SCN3A: variants seen among roughly 807,000 people sequenced by gnomAD.
The protein encoded by SCN3A is sodium voltage-gated channel alpha subunit 3.
SCN3A carries 60 observed loss-of-function variants against 187.6 expected under a neutral mutation model. That is an observed-to-expected ratio of 0.32 (90% CI 0.26 to 0.40). The LOEUF is 0.40. Among genes scored for constraint, SCN3A ranks in the 10% least tolerant of loss-of-function variants. SCN3A has a pLI of 1.00. For missense variants in SCN3A, 1,601 were observed against 2,428.2 expected, an observed-to-expected ratio of 0.66 and a Z score of 7.16; for synonymous variants, 788 against 829.2, an observed-to-expected ratio of 0.95 and a Z score of 0.85.
chr2:165,154,384 G>C, intron 11 of SCN3A, 68 bp downstream of exon 11: 1 of 1,526,138 alleles, frequency 6.6e-7, no homozygotes, highest in Non-Finnish European at 9.0e-7. Context: ...ACCCTCTATA[G>C]TATAACACTA....
intron 1 of SCN3A, among the ~76,000 whole-genome samples, chr2:165,202,278 C>G (rs1692372153): frequency 6.6e-6 from 1 of 152,008 alleles, no homozygotes; most frequent in Non-Finnish European, 1.5e-5. Context: ...AACTAAGAGA[C>G]TGTTGCAACT....
At chr2:165,199,362 A>G (rs1478629316) in intron 1 of SCN3A, among the ~76,000 whole-genome samples, 1 of 151,994 alleles carries the variant, frequency 6.6e-6, no homozygotes, top group Non-Finnish European at 1.5e-5. Flanking sequence ...ATAACTCCAG[A>G]TTTCATAAGG....
chr2:165,140,614 G>T lies in SCN3A; in HGVS notation c.2019+37C>A. The T allele has an allele frequency of 1.3e-6, 2 of 1,560,622 alleles. No individual in the cohort carries two copies. Among genetic ancestry groups the T allele is most frequent in the Non-Finnish European group, 1.8e-6 (2 of 1,131,238 alleles). On this transcript the variant is annotated intron_variant, in intron 13 of 27. Transcript: ENST00000283254. This position sits in a 1 kb window ranked among gnomAD's most constrained non-coding sequence, Gnocchi z 4.2. ...CAGGCTTTGATTATTTCAAATTGGT[G>T]AATAATGTCAGTAGCAGCTAGGTCA...
Position 165,140,947 on chromosome 2 carries a change from T to C in SCN3A, c.1723A>G (p.Thr575Ala). 6.2e-7 allele frequency: 1 copy of C among 1,614,006 alleles called. No individual in the cohort carries two copies. Among genetic ancestry groups the C allele is most frequent in the South Asian group, 1.1e-5 (1 of 91,074 alleles). The part of the protein sequence containing the change: ...SLFSPRRNSK[T>A]SIFSFRGRAK... ...CGACCTCTGAAACTGAAAATGCTTG[T>C]TTTGCTATTGCGTCTTGGGGAAAAC... The change falls in exon 13 of 28, where the codon ACA becomes GCA. Residue 575 changes from threonine to alanine, a missense_variant. This residue lies in a region of SCN3A where 376 missense variants were observed against 476.0 expected (regional missense o/e 0.79). Transcript: ENST00000283254. This position sits in a 1 kb window ranked among gnomAD's most constrained non-coding sequence, Gnocchi z 4.2.
intron 18 of SCN3A, 68 bp from the exon 19 acceptor site, chr2:165,115,643 TG>T (rs1320600679): frequency 1.4e-6 from 2 of 1,456,086 alleles, no homozygotes; most frequent in Non-Finnish European, 1.9e-6. Context: ...GGAAATACTG[TG>T]TCATTGTGTG....
rs1322251387 is a variant in SCN3A, at chr2:165,139,513, G to A, written c.2115C>T (p.Ala705=). 4.3e-6 allele frequency: 7 copies of A among 1,613,772 alleles called. No individual in the cohort carries two copies. In the South Asian group the frequency reaches 4.4e-5, roughly 10 times the overall value. The change falls in exon 14 of 28, where the codon GCC becomes GCT. Residue 705 remains alanine, a synonymous_variant. Transcript: ENST00000283254. ...TGGTCAGAATGCTGGCTATGCTCAC[G>A]GCTCTTTGCCTTCCAGAGGAATCCT... ...MLEDSSGRQR[A]VSIASILTNT...
intron 22 of SCN3A, 158 bp from the exon 23 acceptor site, chr2:165,097,682 G>A: frequency 1.1e-6 from 1 of 920,620 alleles, no homozygotes; most frequent in Non-Finnish European, 1.7e-6. Flanking sequence ...CATATTTGAA[G>A]GAAAACAAAC....
At position 165,092,447 on chromosome 2, in the gene SCN3A, G is replaced by A. The variant is rs139406140; in HGVS notation, c.4614C>T (p.Leu1538=). Residue 1538 remains leucine, a synonymous_variant, in exon 27 of 28, where the codon CTC becomes CTT. Transcript: ENST00000283254. The surrounding 1 kb of genome is among the most constrained non-coding windows in gnomAD (Gnocchi z 4.2). ...TTTCCACCATCATGGTGACCATGTT[G>A]AGGCAGATGAGGATCATGATGCTGA... ...FDISIMILIC[L]NMVTMMVETD... is the part of the protein sequence containing the mutation. 25 of 1,613,868 alleles carry A rather than the reference G, an allele frequency of 1.5e-5. No homozygotes were observed. In the African/African-American group the frequency reaches 3.1e-4, roughly 20 times the overall value.
At chr2:165,174,026 A>G (rs893774) in intron 3 of SCN3A, among the ~76,000 whole-genome samples, 152,315 of 152,322 alleles carry the variant, frequency 1, 76,154 homozygotes, top group Non-Finnish European at 1. Context: ...TGAAAACCTG[A>G]TATATAAAAT....
At chr2:165,150,620 T>C (rs757981766) in intron 11 of SCN3A, among the ~76,000 whole-genome samples, 6 of 152,170 alleles carry the variant, frequency 3.9e-5, no homozygotes, top group Non-Finnish European at 7.4e-5. Context: ...AGAACTGATG[T>C]TTTTTAGCCG....
chr2:165,143,810 A>T (rs1183890955), intron 12 of SCN3A, among the ~76,000 whole-genome samples: 1 of 152,204 alleles, frequency 6.6e-6, no homozygotes, highest in Non-Finnish European at 1.5e-5. Flanking sequence ...TAGGTCTATA[A>T]GACACAGTCA....
chr2:165,097,160 A>C, intron 23 of SCN3A, 92 bp downstream of exon 23: 1 of 1,449,522 alleles, frequency 6.9e-7, no homozygotes, highest in Non-Finnish European at 9.6e-7. Flanking sequence ...CATGCTGTCA[A>C]ATGTTAGTCA....
chr2:165,162,504 G>C (rs1689470741), intron 8 of SCN3A, 52 bp downstream of exon 8: 2 of 1,610,856 alleles, frequency 1.2e-6, no homozygotes, highest in African/African-American at 2.7e-5. Flanking sequence ...ACTATTTATA[G>C]TTGAAAATTC....
intron 1 of SCN3A, among the ~76,000 whole-genome samples, chr2:165,189,003 G>C (rs1443044877): frequency 1.3e-5 from 2 of 152,060 alleles, no homozygotes; most frequent in Non-Finnish European, 2.9e-5. Context: ...CTAAAGGAAT[G>C]AGTAAAGAAT....
chr2:165,105,765 G>A (rs959281403), intron 21 of SCN3A, among the ~76,000 whole-genome samples: 3 of 152,150 alleles, frequency 2.0e-5, no homozygotes, highest in Admixed American at 2.0e-4. Context: ...TTGGGAGACT[G>A]AAGCAGGAGG....
chr2:165,180,607 G>A (rs1690784892), intron 2 of SCN3A, among the ~76,000 whole-genome samples: 1 of 152,036 alleles, frequency 6.6e-6, no homozygotes. Context: ...CAGATGCAGA[G>A]ACAAGAAAGA....
At chr2:165,185,865 G>A (rs1175583558) in intron 2 of SCN3A, among the ~76,000 whole-genome samples, 2 of 152,094 alleles carry the variant, frequency 1.3e-5, no homozygotes, top group Non-Finnish European at 2.9e-5. Context: ...CATACAGTCA[G>A]GTGAGCCATA....
chr2:165,178,005 C>A (rs1180158944), intron 2 of SCN3A, among the ~76,000 whole-genome samples: 2 of 152,048 alleles, frequency 1.3e-5, no homozygotes, highest in Non-Finnish European at 2.9e-5. Flanking sequence ...CACATGTATT[C>A]TAGGCTCCGT....
chr2:165,119,369 G>T (rs1686538579), intron 18 of SCN3A, among the ~76,000 whole-genome samples: 1 of 152,214 alleles, frequency 6.6e-6, no homozygotes, highest in African/African-American at 2.4e-5. Context: ...ATTAAATTGT[G>T]AATCACCTTC....
Sources: allele counts gnomAD v4.1 joint callset (sites outside exome capture counted in the v4.1 genomes callset), GRCh38; gene constraint gnomAD v4.1.1; regional missense constraint gnomAD v4.1.1; non-coding constraint Gnocchi (gnomAD v3.1); transcripts MANE v1.5; gene names NCBI Gene and HGNC (gene_info 2026-07-23, HGNC 2026-07-21).